The following SH3GL2 variants were observed in gnomAD, a reference collection of about 807,000 sequenced individuals.
SH3GL2 encodes the protein endophilin-A1.
Under a neutral mutation model 46.0 loss-of-function variants are expected in SH3GL2, and 24 were observed. That is an observed-to-expected ratio of 0.52 (90% CI 0.38 to 0.73). The LOEUF is 0.73. SH3GL2 is among the 30% of genes least tolerant of loss of function. The probability of loss-of-function intolerance (pLI) is 0.00; values close to 1 mark genes in which losing one functional copy is unlikely to be tolerated. For synonymous variants in SH3GL2, 196 were observed against 147.1 expected (o/e 1.33, Z -2.40); for missense variants, 413 against 424.2 (o/e 0.97, Z 0.23).
intron 1 of SH3GL2, chr9:17,591,286 A>G (rs1006632347): frequency 2.6e-5 from 4 of 152,116 alleles, no homozygotes; most frequent in African/African-American, 9.7e-5. Flanking sequence ...ATTTTGTGAT[A>G]TGTACTGGCT....
rs188984898 is a variant in SH3GL2, at chr9:17,788,628, C to T, written c.466-764C>T. Among the ~76,000 whole-genome samples, 384 of 152,146 alleles carry T rather than the reference C, an allele frequency of 2.5e-3. 6 individuals are homozygous for T. Among genetic ancestry groups the T allele is most frequent in the African/African-American group, 7.9e-3 (328 of 41,506 alleles). The stretch of plus-strand genomic sequence containing the variant: ...TGGTCACTAGAGATGATGGGTGGAG[C>T]CTGGGCAGCCATCTACCAGGTATGG... On this transcript the variant is annotated intron_variant, in intron 5 of 8. Coordinates refer to ENST00000380607, the MANE Select transcript of SH3GL2 (RefSeq NM_003026.5).
chr9:17,652,620 T>G (rs1238680580), intron 1 of SH3GL2, among the ~76,000 whole-genome samples: 2 of 152,244 alleles, frequency 1.3e-5, no homozygotes, highest in Non-Finnish European at 1.5e-5. Flanking sequence ...AGAGTGAGTA[T>G]CCCTAATCCA....
chr9:17,690,104 G>A (rs753434380), intron 1 of SH3GL2, among the ~76,000 whole-genome samples: 1 of 152,088 alleles, frequency 6.6e-6, no homozygotes, highest in Non-Finnish European at 1.5e-5. Context: ...TTTTGTGCCT[G>A]TATGAGACTT....
intron 1 of SH3GL2, among the ~76,000 whole-genome samples, chr9:17,729,960 A>T (rs567833407): frequency 6.8e-6 from 1 of 146,484 alleles, no homozygotes; most frequent in South Asian, 2.2e-4. Flanking sequence ...TTTTGGTTCC[A>T]TATGACATTT....
intron 3 of SH3GL2, among the ~76,000 whole-genome samples, chr9:17,768,455 A>G (rs1282824277): frequency 6.6e-6 from 1 of 151,956 alleles, no homozygotes; most frequent in East Asian, 1.9e-4. Flanking sequence ...ATGTATATTG[A>G]GAATTAAGTT....
At chr9:17,606,195 C>T (rs990413436) in intron 1 of SH3GL2, among the ~76,000 whole-genome samples, 1 of 152,074 alleles carries the variant, frequency 6.6e-6, no homozygotes, top group Admixed American at 6.5e-5. Context: ...TGGGTTCAAG[C>T]GATTCTCCTG....
In SH3GL2 at chr9:17,795,862, C is replaced by T. The variant is rs1824260934; in HGVS notation, c.*119C>T. 3.9e-6 allele frequency: 3 copies of T among 776,244 alleles called. No homozygotes were observed. The highest frequency in any genetic ancestry group is 4.2e-6 in the Non-Finnish European group (2 of 479,700). The allele number at this position is 776,244 out of a possible 1,614,324, so 48.1% of individuals were successfully genotyped here. On this transcript the variant is annotated 3_prime_UTR_variant, in exon 9 of 9. Coordinates refer to ENST00000380607, the MANE Select transcript of SH3GL2 (RefSeq NM_003026.5). The stretch of plus-strand genomic sequence containing the variant: ...GGCCGCAGTGGTCCACGTCATCCAG[C>T]CCCACCAAGTGACTTTGGTTGACTT...
intron 6 of SH3GL2, chr9:17,790,448 C>T: frequency 4.1e-6 from 4 of 982,014 alleles, no homozygotes; most frequent in Non-Finnish European, 4.8e-6. Flanking sequence ...TCCAGACTTT[C>T]CTACCACCTG....
rs1536071 is a variant in SH3GL2, at chr9:17,701,806, C to G, written c.46-45260C>G. 8.5e-3 allele frequency among the ~76,000 whole-genome samples: 1,285 copies of G among 151,934 alleles called. 23 individuals are homozygous for G. The highest frequency in any genetic ancestry group is 0.029 in the African/African-American group (1,203 of 41,466). On this transcript the variant is annotated intron_variant, in intron 1 of 8. Coordinates refer to ENST00000380607, the MANE Select transcript of SH3GL2 (RefSeq NM_003026.5). ...ATGTATGATTTTTCCTAGAAAAAGA[C>G]ATGAGAAACAGAAAAGCATACCATG...
intron 1 of SH3GL2, among the ~76,000 whole-genome samples, chr9:17,741,677 G>A (rs1331728247): frequency 6.6e-6 from 1 of 152,176 alleles, no homozygotes; most frequent in African/African-American, 2.4e-5. Flanking sequence ...TATATTTTCT[G>A]CTCTGCTCTT....
chr9:17,612,588 A>C (rs995595255), intron 1 of SH3GL2, among the ~76,000 whole-genome samples: 2 of 152,166 alleles, frequency 1.3e-5, no homozygotes, highest in African/African-American at 2.4e-5. Flanking sequence ...TGTGTGAGAG[A>C]CTGGGAGGAT....
intron 1 of SH3GL2, among the ~76,000 whole-genome samples, chr9:17,627,712 C>G (rs1180123989): frequency 6.6e-6 from 1 of 152,172 alleles, no homozygotes; most frequent in African/African-American, 2.4e-5. Flanking sequence ...CCCTTCATCC[C>G]TCTGTGATAA....
At chr9:17,608,804 T>C (rs1818807554) in intron 1 of SH3GL2, among the ~76,000 whole-genome samples, 1 of 152,244 alleles carries the variant, frequency 6.6e-6, no homozygotes, top group Admixed American at 6.5e-5. Flanking sequence ...ACATGAATTA[T>C]TTTCTGTAAC....
At chr9:17,773,810 G>A (rs115933913) in intron 3 of SH3GL2, among the ~76,000 whole-genome samples, 130 of 152,058 alleles carry the variant, frequency 8.5e-4, no homozygotes, top group African/African-American at 2.9e-3. Flanking sequence ...GAATTTTAGG[G>A]TGGGATTTCC....
At chr9:17,753,758 G>A (rs1430381030) in intron 2 of SH3GL2, among the ~76,000 whole-genome samples, 5 of 152,118 alleles carry the variant, frequency 3.3e-5, no homozygotes, top group African/African-American at 9.7e-5. Flanking sequence ...CCATGCCTAT[G>A]TCCTCAATGG....
In SH3GL2 at chr9:17,659,960, A is replaced by G. The variant is rs563479785; in HGVS notation, c.45+80673A>G. 3.3e-5 allele frequency among the ~76,000 whole-genome samples: 5 copies of G among 152,304 alleles called. No individual in the cohort carries two copies. In the South Asian group the frequency reaches 8.3e-4, roughly 25 times the overall value. On this transcript the variant is annotated intron_variant, in intron 1 of 8. Transcript: ENST00000380607. Reference sequence around the variant, plus strand: ...TTTCCCCAGTCTGTAAACATGGATAATGGTAACTGCCTGTAAGAGTAGTTG... The same window carrying G: ...TTTCCCCAGTCTGTAAACATGGATAGTGGTAACTGCCTGTAAGAGTAGTTG...
intron 1 of SH3GL2, among the ~76,000 whole-genome samples, chr9:17,693,240 G>T (rs1159120324): frequency 6.6e-6 from 1 of 152,182 alleles, no homozygotes; most frequent in Non-Finnish European, 1.5e-5. Context: ...TGGACACATG[G>T]ATCAGGGTCC....
chr9:17,607,965 T>C (rs1353671526), intron 1 of SH3GL2, among the ~76,000 whole-genome samples: 1 of 152,184 alleles, frequency 6.6e-6, no homozygotes. Flanking sequence ...CATACAATTA[T>C]ATGAAATGTT....
intron 1 of SH3GL2, among the ~76,000 whole-genome samples, chr9:17,691,951 C>T (rs1308903565): frequency 6.6e-6 from 1 of 151,972 alleles, no homozygotes; most frequent in Non-Finnish European, 1.5e-5. Flanking sequence ...AAGACGAGGA[C>T]CTAATTTGAC....
Sources: allele counts gnomAD v4.1 joint callset (sites outside exome capture counted in the v4.1 genomes callset), GRCh38; gene constraint gnomAD v4.1.1; transcripts MANE v1.5; gene names NCBI Gene and HGNC (gene_info 2026-07-23, HGNC 2026-07-21).